The following SKIC3 variants were observed in gnomAD, a reference collection of about 807,000 sequenced individuals.
SKIC3 encodes superkiller complex protein 3.
chr5:95,519,516 A>C, the SKIC3 span, among the ~76,000 whole-genome samples: 3 of 152,124 alleles, frequency 2.0e-5, no homozygotes, highest in South Asian at 6.2e-4. Context: ...CCTTTGCCTA[A>C]ATATCTTAGC....
chr5:95,509,726 C>T, the SKIC3 span: 1 of 1,306,118 alleles, frequency 7.7e-7, no homozygotes, highest in Non-Finnish European at 1.1e-6. Context: ...AATATGCCTA[C>T]TGATGGTATT....
At chr5:95,552,122 T>C in the SKIC3 span, among the ~76,000 whole-genome samples, 3 of 152,216 alleles carry the variant, frequency 2.0e-5, no homozygotes, top group African/African-American at 7.2e-5. Context: ...CTTATCAGCA[T>C]ATTAAATGCA....
the SKIC3 span, chr5:95,528,212 T>C: frequency 6.2e-7 from 1 of 1,603,840 alleles, no homozygotes; most frequent in Non-Finnish European, 8.5e-7. Context: ...TATTTTTTCT[T>C]TTTTAAGGAT....
the SKIC3 span, among the ~76,000 whole-genome samples, chr5:95,545,989 T>C: frequency 6.6e-6 from 1 of 152,132 alleles, no homozygotes; most frequent in Non-Finnish European, 1.5e-5. Context: ...TGGTAACAAA[T>C]CTTTAACCTT....
the SKIC3 span, among the ~76,000 whole-genome samples, chr5:95,552,257 A>G: frequency 2.0e-5 from 3 of 152,324 alleles, no homozygotes; most frequent in African/African-American, 4.8e-5. Context: ...TAGTTACTAC[A>G]CTACATGAAT....
At chr5:95,512,728 T>C in the SKIC3 span, 2 of 1,274,668 alleles carry the variant, frequency 1.6e-6, no homozygotes, top group Non-Finnish European at 2.2e-6. Context: ...CATCTCAGTG[T>C]TCTTTAAGTC....
the SKIC3 span, chr5:95,509,610 C>T: frequency 6.2e-7 from 1 of 1,612,680 alleles, no homozygotes; most frequent in Non-Finnish European, 8.5e-7. Flanking sequence ...TATGCATTTG[C>T]TGCTTCCTTT....
chr5:95,474,912 A>T, the SKIC3 span, among the ~76,000 whole-genome samples: 2 of 152,170 alleles, frequency 1.3e-5, no homozygotes, highest in African/African-American at 4.8e-5. Flanking sequence ...TAACGCTTCC[A>T]ATTGTATTAT....
the SKIC3 span, among the ~76,000 whole-genome samples, chr5:95,507,826 C>T: frequency 1.3e-5 from 2 of 151,314 alleles, no homozygotes; most frequent in African/African-American, 4.9e-5. Context: ...GATGATCAGT[C>T]AAGAAAGTGG....
the SKIC3 span, among the ~76,000 whole-genome samples, chr5:95,501,155 C>CA: frequency 7.3e-5 from 11 of 150,852 alleles, no homozygotes; most frequent in African/African-American, 2.2e-4. Flanking sequence ...ATATTGATAA[C>CA]AAAAAAAAGG....
the SKIC3 span, among the ~76,000 whole-genome samples, chr5:95,527,614 G>C: frequency 6.6e-6 from 1 of 151,952 alleles, no homozygotes; most frequent in Non-Finnish European, 1.5e-5. Context: ...ATCTTTCTTT[G>C]AATGAAACAA....
chr5:95,476,242 T>C, the SKIC3 span, among the ~76,000 whole-genome samples: 1 of 152,186 alleles, frequency 6.6e-6, no homozygotes, highest in African/African-American at 2.4e-5. Context: ...CTGAGTTGAA[T>C]GCCGCAGCCC....
chr5:95,534,537 T>C, the SKIC3 span, among the ~76,000 whole-genome samples: 3 of 152,176 alleles, frequency 2.0e-5, no homozygotes, highest in Non-Finnish European at 2.9e-5. Flanking sequence ...TTTAAAAAGA[T>C]AGCCTTAATA....
At chr5:95,548,800 A>T in the SKIC3 span, 1 of 152,038 alleles carries the variant, frequency 6.6e-6, no homozygotes, top group Non-Finnish European at 1.5e-5. Flanking sequence ...CAAGTAAAAA[A>T]ATCAAAAGAT....
the SKIC3 span, among the ~76,000 whole-genome samples, chr5:95,520,339 G>A: frequency 2.6e-5 from 4 of 151,272 alleles, no homozygotes; most frequent in Non-Finnish European, 5.9e-5. Flanking sequence ...ACCACTGAAT[G>A]TACAGCATAT....
the SKIC3 span, among the ~76,000 whole-genome samples, chr5:95,495,946 A>G: frequency 6.6e-6 from 1 of 152,240 alleles, no homozygotes; most frequent in African/African-American, 2.4e-5. Context: ...ACTGAAAGGG[A>G]AAACTGGAAT....
the SKIC3 span, chr5:95,536,796 CTATAA>C: frequency 2.5e-6 from 4 of 1,577,794 alleles, no homozygotes; most frequent in Non-Finnish European, 3.5e-6. Flanking sequence ...AGGACACACA[CTATAA>C]TAAGGAAGAA....
the SKIC3 span, chr5:95,547,096 T>C: frequency 6.2e-7 from 1 of 1,613,340 alleles, no homozygotes; most frequent in Non-Finnish European, 8.5e-7. Flanking sequence ...TATTCTTTGT[T>C]TCTGATTGCA....
chr5:95,471,703 T>C, the SKIC3 span, among the ~76,000 whole-genome samples: 3 of 152,228 alleles, frequency 2.0e-5, no homozygotes, highest in Non-Finnish European at 2.9e-5. Flanking sequence ...TGGCTAATTG[T>C]AGCTTCAGGA....
Sources: allele counts gnomAD v4.1 joint callset (sites outside exome capture counted in the v4.1 genomes callset), GRCh38; gene constraint gnomAD v4.1.1; transcripts MANE v1.5; gene names NCBI Gene and HGNC (gene_info 2026-07-23, HGNC 2026-07-21).